Variants in NCKAP5 observed in about 807,000 individuals in gnomAD.
NCKAP5 encodes the protein NCK associated protein 5, also known as nck-associated protein 5.
In NCKAP5, 92 loss-of-function variants were observed where a neutral mutation model predicts 167.0. The ratio of observed to expected loss-of-function variants is 0.55; its 90% CI spans 0.47 to 0.66. The LOEUF (loss-of-function observed/expected upper bound fraction) is 0.66. Among genes scored for constraint, NCKAP5 ranks in the 30% least tolerant of loss-of-function variants. The pLI is 0.00. For missense variants in NCKAP5, 2,378 were observed against 2,315.0 expected (o/e 1.03, Z -0.56); for synonymous variants, 891 against 877.4 (o/e 1.02, Z -0.27).
intron 3 of NCKAP5, among the ~76,000 whole-genome samples, chr2:133,312,903 G>C (rs1681347497): frequency 6.6e-6 from 1 of 152,244 alleles, no homozygotes; most frequent in Non-Finnish European, 1.5e-5. Flanking sequence ...AGATGTTATA[G>C]TTTTCCAAAG....
intron 5 of NCKAP5, among the ~76,000 whole-genome samples, chr2:133,135,090 G>A (rs1288426689): frequency 1.3e-5 from 2 of 152,230 alleles, no homozygotes; most frequent in Non-Finnish European, 2.9e-5. Context: ...AATGGAGAGG[G>A]CTGGCGCTAA....
chr2:133,330,038 C>T (rs572770215), intron 3 of NCKAP5, among the ~76,000 whole-genome samples: 1 of 145,750 alleles, frequency 6.9e-6, no homozygotes, highest in South Asian at 2.2e-4. Context: ...GGGAATGTGG[C>T]CAAGAAAGCA....
At chr2:132,788,481 C>A (rs545045847) in intron 13 of NCKAP5, among the ~76,000 whole-genome samples, 159 of 152,282 alleles carry the variant, frequency 1.0e-3, no homozygotes, top group Non-Finnish European at 1.9e-3. Context: ...CTGGCTCTGC[C>A]ATGTACTGCC....
chr2:133,613,046 G>A, the NCKAP5 span, among the ~76,000 whole-genome samples: 4 of 152,190 alleles, frequency 2.6e-5, no homozygotes, highest in Non-Finnish European at 5.9e-5. Context: ...CCAAAGAGCT[G>A]AAGTAAAGCT....
intron 17 of NCKAP5, 77 bp downstream of exon 17, chr2:132,731,660 T>A: frequency 6.9e-7 from 1 of 1,451,782 alleles, no homozygotes; most frequent in Non-Finnish European, 9.3e-7. Flanking sequence ...GTCACTGACT[T>A]ACTCATCTCC....
intron 4 of NCKAP5, among the ~76,000 whole-genome samples, chr2:133,217,234 G>T (rs1195547876): frequency 6.6e-6 from 1 of 152,032 alleles, no homozygotes; most frequent in Non-Finnish European, 1.5e-5. Context: ...CTTTTGTAAT[G>T]AAGTATAAAG....
At chr2:133,229,710 T>G (rs2087055353) in intron 4 of NCKAP5, among the ~76,000 whole-genome samples, 1 of 152,168 alleles carries the variant, frequency 6.6e-6, no homozygotes, top group African/African-American at 2.4e-5. Context: ...GGCACCAAAG[T>G]CCTCATTCTT....
chr2:133,364,191 G>A (rs886682614), intron 3 of NCKAP5, among the ~76,000 whole-genome samples: 1 of 152,040 alleles, frequency 6.6e-6, no homozygotes. Flanking sequence ...TGGCAGAGCT[G>A]GAATTCAAAA....
At chr2:133,461,385 G>C (rs1008951804) in intron 3 of NCKAP5, among the ~76,000 whole-genome samples, 3 of 152,018 alleles carry the variant, frequency 2.0e-5, no homozygotes, top group African/African-American at 7.2e-5. Context: ...CCATTTTCAA[G>C]TTTCTTTATT....
At chr2:132,813,597 T>C (rs567393600) in intron 11 of NCKAP5, among the ~76,000 whole-genome samples, 7 of 152,178 alleles carry the variant, frequency 4.6e-5, no homozygotes, top group South Asian at 2.1e-4. Flanking sequence ...CCTGAAGACA[T>C]GCAGTGACTC....
In NCKAP5 at chr2:132,751,199, A is replaced by T. The variant is rs563785054; in HGVS notation, c.5129-19148T>A. ...TTCTCACAGGAGGGAGTGGGTTCTC[A>T]CCTTTAGTTCCTGAGAGAGATTTCC... is the stretch of plus-strand genomic sequence containing the variant. On this transcript the variant is annotated intron_variant, in intron 16 of 19. Transcript: ENST00000409261. Among the ~76,000 whole-genome samples the T allele has an allele frequency of 8.4e-4, 128 of 151,716 alleles. 1 individual carries two copies. Among genetic ancestry groups the T allele is most frequent in the Non-Finnish European group, 1.5e-3 (101 of 67,918 alleles).
At chr2:132,960,457 T>C (rs1485265032) in intron 8 of NCKAP5, among the ~76,000 whole-genome samples, 2 of 152,090 alleles carry the variant, frequency 1.3e-5, no homozygotes, top group Admixed American at 6.5e-5. Context: ...AACAGAACTA[T>C]CAAAAGACAG....
At chr2:133,209,075 A>AT (rs780120236) in intron 5 of NCKAP5, among the ~76,000 whole-genome samples, 121 of 68,884 alleles carry the variant, frequency 1.8e-3, no homozygotes, top group Non-Finnish European at 3.4e-3. Context: ...AAAAAATTAC[A>AT]TTAAAAAACT....
chr2:133,224,540 ATATCCAGTGAAGAAGTGCATT>A (rs1241354284), intron 4 of NCKAP5, among the ~76,000 whole-genome samples: 1 of 152,180 alleles, frequency 6.6e-6, no homozygotes, highest in African/African-American at 2.4e-5. Flanking sequence ...TTGGTAGTAA[ATATCCAGTGAAGAAGTGCATT>A]TGTCCTTCTG....
At chr2:132,841,921 T>C (rs1688322292) in intron 11 of NCKAP5, among the ~76,000 whole-genome samples, 1 of 152,172 alleles carries the variant, frequency 6.6e-6, no homozygotes, top group Admixed American at 6.5e-5. Context: ...ATATTTTCTT[T>C]AGAATGTATC....
intron 6 of NCKAP5, among the ~76,000 whole-genome samples, chr2:133,126,551 A>C (rs1172021844): frequency 6.6e-6 from 1 of 152,216 alleles, no homozygotes; most frequent in Non-Finnish European, 1.5e-5. Flanking sequence ...TCCAGATATA[A>C]GTGACATAGT....
intron 6 of NCKAP5, among the ~76,000 whole-genome samples, chr2:133,048,207 G>C (rs900645463): frequency 1.3e-5 from 2 of 152,158 alleles, no homozygotes; most frequent in African/African-American, 4.8e-5. Flanking sequence ...GGATTGGACT[G>C]GGGGAACCTG....
At chr2:133,024,559 C>A (rs1009083753) in intron 6 of NCKAP5, among the ~76,000 whole-genome samples, 7 of 152,072 alleles carry the variant, frequency 4.6e-5, no homozygotes, top group African/African-American at 1.4e-4. Context: ...GTATTTAGTA[C>A]ACTAAATGTA....
intron 3 of NCKAP5, among the ~76,000 whole-genome samples, chr2:133,503,406 GA>G (rs935338101): frequency 6.6e-6 from 1 of 152,174 alleles, no homozygotes; most frequent in Non-Finnish European, 1.5e-5. Context: ...AAGCCCAGAA[GA>G]AAACAGAGGC....
Sources: allele counts gnomAD v4.1 joint callset (sites outside exome capture counted in the v4.1 genomes callset), GRCh38; gene constraint gnomAD v4.1.1; transcripts MANE v1.5; gene names NCBI Gene and HGNC (gene_info 2026-07-23, HGNC 2026-07-21).